Variants in PCDH11X observed in about 807,000 individuals in gnomAD.
PCDH11X encodes the protein protocadherin 11 X-linked.
A neutral mutation model predicts 53.3 loss-of-function variants in PCDH11X; 18 were observed. The ratio of observed to expected loss-of-function variants is 0.34; its 90% CI spans 0.23 to 0.50. The LOEUF (loss-of-function observed/expected upper bound fraction) is 0.50, where lower values mean the gene tolerates loss of function less well. Ranked by LOEUF, PCDH11X falls within the 20% of genes least tolerant of loss-of-function variation. The pLI is 0.98. For synonymous variants in PCDH11X, 279 were observed against 393.3 expected, an observed-to-expected ratio of 0.71 and a Z score of 3.44; for missense variants, 570 against 1,032.4, an observed-to-expected ratio of 0.55 and a Z score of 6.14.
intron 6 of PCDH11X, among the ~76,000 whole-genome samples, chrX:91,891,146 A>G (rs1478585157): frequency 1.8e-5 from 2 of 110,191 alleles, no homozygotes; most frequent in Non-Finnish European, 3.8e-5. Flanking sequence ...TAAAAAAAGA[A>G]TGAACAGGTT....
chrX:91,930,376 C>T (rs1461301556), intron 6 of PCDH11X, among the ~76,000 whole-genome samples: 2 of 106,736 alleles, frequency 1.9e-5, no homozygotes, highest in Non-Finnish European at 3.9e-5. Context: ...ATCATCTCTC[C>T]TAAGACACTA....
chrX:92,447,297 G>C (rs1277502809), intron 9 of PCDH11X, among the ~76,000 whole-genome samples: 1 of 111,317 alleles, frequency 9.0e-6, no homozygotes, highest in Non-Finnish European at 1.9e-5. Flanking sequence ...GCATGTGAGA[G>C]GTCTTCGTGG....
chrX:92,297,836 A>G (rs951942143), intron 8 of PCDH11X, among the ~76,000 whole-genome samples: 3 of 107,773 alleles, frequency 2.8e-5, no homozygotes, highest in Non-Finnish European at 5.8e-5. Flanking sequence ...ACTGTTTTGC[A>G]ATTCTTGTTA....
At chrX:92,102,129 T>C (rs1254460424) in intron 6 of PCDH11X, among the ~76,000 whole-genome samples, 10 of 110,978 alleles carry the variant, frequency 9.0e-5, no homozygotes, top group African/African-American at 3.3e-4. Flanking sequence ...GAGGCCAGAT[T>C]GAAGTCCCGG....
intron 7 of PCDH11X, among the ~76,000 whole-genome samples, chrX:92,254,950 T>C (rs12559858): frequency 0.1 from 9,852 of 95,026 alleles, 1,049 homozygotes; most frequent in African/African-American, 0.28. Context: ...AGTATCTTTG[T>C]GGCGTTCTCT....
chrX:92,513,669 CT>C (rs1037521538), intron 10 of PCDH11X, among the ~76,000 whole-genome samples: 3 of 111,019 alleles, frequency 2.7e-5, no homozygotes, highest in Non-Finnish European at 5.7e-5. Flanking sequence ...TTGAAAAGTA[CT>C]TTTTTTCCTT....
chrX:92,384,172 T>C (rs190141962), intron 8 of PCDH11X, among the ~76,000 whole-genome samples: 1,482 of 111,584 alleles, frequency 0.013, 26 homozygotes, highest in African/African-American at 0.046. Context: ...AATGGGGTTG[T>C]TTGTTTTTTT....
At chrX:92,483,669 A>G (rs1429096378) in intron 10 of PCDH11X, among the ~76,000 whole-genome samples, 1 of 91,403 alleles carries the variant, frequency 1.1e-5, no homozygotes, top group African/African-American at 4.0e-5. Flanking sequence ...AAGGTCTATG[A>G]TCTTTCACTT....
intron 4 of PCDH11X, among the ~76,000 whole-genome samples, chrX:91,820,994 G>T (rs771439794): frequency 2.8e-5 from 3 of 107,866 alleles, no homozygotes; most frequent in Non-Finnish European, 5.7e-5. Flanking sequence ...GATATGCGGC[G>T]TTATTTCTGA....
At chrX:92,109,689 T>G (rs2064459665) in intron 6 of PCDH11X, among the ~76,000 whole-genome samples, 1 of 112,285 alleles carries the variant, frequency 8.9e-6, no homozygotes, top group Non-Finnish European at 1.9e-5. Flanking sequence ...TTCCTACTCT[T>G]GTAGCTAGTT....
At chrX:92,334,957 G>T (rs1361949072) in intron 8 of PCDH11X, among the ~76,000 whole-genome samples, 2 of 109,785 alleles carry the variant, frequency 1.8e-5, no homozygotes, top group Non-Finnish European at 3.8e-5. Context: ...GGAGTCAAAA[G>T]TTATATGTGG....
chrX:92,171,074 A>T (rs2065817710), intron 6 of PCDH11X, among the ~76,000 whole-genome samples: 1 of 104,162 alleles, frequency 9.6e-6, no homozygotes, highest in East Asian at 3.1e-4. Context: ...CAAAGCAGTG[A>T]GATTATCAGT....
intron 8 of PCDH11X, among the ~76,000 whole-genome samples, chrX:92,386,366 A>G (rs2071012026): frequency 9.0e-6 from 1 of 111,396 alleles, no homozygotes; most frequent in Admixed American, 9.6e-5. Context: ...GTGATCTTTG[A>G]TATATGCAAA....
intron 6 of PCDH11X, among the ~76,000 whole-genome samples, chrX:92,126,127 C>CAAA (rs35233881): frequency 9.9e-6 from 1 of 101,001 alleles, no homozygotes. Flanking sequence ...AACTCTGTCT[C>CAAA]AAAAAAAAAA....
At chrX:92,335,694 A>G (rs2069599756) in intron 8 of PCDH11X, among the ~76,000 whole-genome samples, 2 of 111,751 alleles carry the variant, frequency 1.8e-5, no homozygotes, top group Non-Finnish European at 1.9e-5. Context: ...AACAAAAAGC[A>G]ACTACTAGAA....
rs35000823 is a variant in PCDH11X, at chrX:92,278,806, G to GTTTTTTTTTTTTTTTTTTT, written c.3144+15667_3144+15685dup. On this transcript the variant is annotated intron_variant, in intron 8 of 10. Transcript: ENST00000682573. ...TCAGAGGCCTGACAGTCTCTTTTCA[G>GTTTTTTTTTTTTTTTTTTT]TTTTTTTTTTTTTTTTTTTTTTGAG... is the stretch of plus-strand genomic sequence containing the variant. 2.1e-4 allele frequency among the ~76,000 whole-genome samples: 10 copies of GTTTTTTTTTTTTTTTTTTT among 47,376 alleles called. 1 individual carries two copies. Among genetic ancestry groups the GTTTTTTTTTTTTTTTTTTT allele is most frequent in the East Asian group, 1.9e-3 (3 of 1,604 alleles). The allele number at this position is 47,376 out of a possible 115,157, so 41.1% of individuals were successfully genotyped here. A position where few individuals can be genotyped will look rare whatever the true frequency, so the allele number is the denominator to read the frequency against.
chrX:91,915,456 A>C (rs1941521482), intron 6 of PCDH11X, among the ~76,000 whole-genome samples: 1 of 110,922 alleles, frequency 9.0e-6, no homozygotes, highest in Admixed American at 9.6e-5. Flanking sequence ...TCACTAACAC[A>C]TAAGGACTCA....
rs142672444 is a variant in PCDH11X at position 92,231,906 on chromosome X, A to G, written c.3114+30451A>G. ...TTACCATGGACAGCCTCTTGAGTCC[A>G]TCTTTGGGCTGGAAAGAACAGAGAA... is the stretch of plus-strand genomic sequence containing the variant. On this transcript the variant is annotated intron_variant, in intron 7 of 10. Transcript: ENST00000682573. 2.1e-3 allele frequency among the ~76,000 whole-genome samples: 237 copies of G among 111,712 alleles called. 2 individuals are homozygous for G. Among genetic ancestry groups the G allele is most frequent in the African/African-American group, 7.3e-3 (224 of 30,761 alleles).
At chrX:92,148,080 TTCTTTCTTTCTTTCTTTCTTTCTTTC>T (rs2065340280) in intron 6 of PCDH11X, among the ~76,000 whole-genome samples, 2 of 14,281 alleles carry the variant, frequency 1.4e-4, no homozygotes, top group African/African-American at 6.0e-4. Context: ...CTTTCTTTCT[TTCTTTCTTTCTTTCTTTCTTTCTTTC>T]TTTCTTTCTT....
Sources: allele counts gnomAD v4.1 joint callset (sites outside exome capture counted in the v4.1 genomes callset), GRCh38; gene constraint gnomAD v4.1.1; transcripts MANE v1.5; gene names NCBI Gene and HGNC (gene_info 2026-07-23, HGNC 2026-07-21).